Variants in ATF1 observed in about 807,000 individuals in gnomAD.
The protein encoded by ATF1 is cyclic AMP-dependent transcription factor ATF-1.
In ATF1, 16 loss-of-function variants were observed where a neutral mutation model predicts 34.7. That is an observed-to-expected ratio of 0.46 (90% CI 0.31 to 0.70). ATF1 has a LOEUF of 0.70. ATF1 is among the 30% of genes least tolerant of loss of function. The pLI is 0.05. For synonymous variants in ATF1, 105 were observed against 113.1 expected (o/e 0.93, Z 0.46); for missense variants, 255 against 321.6 (o/e 0.79, Z 1.58).
At position 50,820,156 on chromosome 12, in the gene ATF1, C is replaced by CT. The variant is rs889359479; in HGVS notation, c.*384dup. ...TTTGCATTTGTTTGCTGAAATTTAC[C>CT]TTTTTTTAGTTATATATATGTGTGT... On this transcript the variant is annotated 3_prime_UTR_variant, in exon 7 of 7. Transcript: ENST00000262053. The CT allele has an allele frequency of 7.8e-5, 18 of 229,974 alleles. No homozygotes were observed. The highest frequency in any genetic ancestry group is 1.4e-3 in the Middle Eastern group (1 of 710). The allele number at this position is 229,974 out of a possible 1,614,324, so 14.2% of individuals were successfully genotyped here.
At chr12:50,817,217 G>C (rs1941861577) in intron 6 of ATF1, among the ~76,000 whole-genome samples, 1 of 151,956 alleles carries the variant, frequency 6.6e-6, no homozygotes, top group African/African-American at 2.4e-5. Flanking sequence ...CAAAAAATCA[G>C]GAAACAACCT....
chr12:50,783,861 C>T (rs942645217), intron 2 of ATF1, among the ~76,000 whole-genome samples: 29 of 111,354 alleles, frequency 2.6e-4, no homozygotes, highest in East Asian at 2.2e-4. Context: ...CGCAAAACTC[C>T]GTCTGAAAAA....
In ATF1 at chr12:50,809,579, C is replaced by T. The variant is rs534424376; in HGVS notation, c.318C>T (p.Ser106=). 32 of 1,613,050 alleles carry T rather than the reference C, an allele frequency of 2.0e-5. No homozygotes were observed. Among genetic ancestry groups the T allele is most frequent in the South Asian group, 1.3e-4 (12 of 90,974 alleles). The part of the protein sequence containing the change: ...SVPTPIYQTS[S]GQYIAIAPNG... Reference sequence around the variant, plus strand: ...CAACTCCCATCTATCAGACTAGCAGCGGACAGTACAGTATGTATAGGAATC... The same window carrying T: ...CAACTCCCATCTATCAGACTAGCAGTGGACAGTACAGTATGTATAGGAATC... Residue 106 remains serine (S), a synonymous_variant, in exon 4 of 7, where the codon AGC becomes AGT. Coordinates refer to ENST00000262053, the MANE Select transcript of ATF1 (RefSeq NM_005171.5).
intron 2 of ATF1, 63 bp downstream of exon 2, chr12:50,780,301 C>T (rs769945843): frequency 1.1e-5 from 15 of 1,336,406 alleles, no homozygotes; most frequent in Middle Eastern, 1.9e-4. Flanking sequence ...AGATTAATCT[C>T]GTTTCAGACT....
At position 50,820,253 on chromosome 12, in the gene ATF1, TA is replaced by T. The variant is rs1470546790; in HGVS notation, c.*475del. 28 of 195,902 alleles carry T rather than the reference TA, an allele frequency of 1.4e-4. No individual in the cohort carries two copies. In the East Asian group the frequency reaches 2.3e-3, roughly 16 times the overall value. The allele number at this position is 195,902 out of a possible 1,614,324, so 12.1% of individuals were successfully genotyped here. ...AGAAAACCTAGTACATTACTAAATA[TA>T]TAAAGTATATGTTCTGATTATGTAT... is the stretch of plus-strand genomic sequence containing the variant. On this transcript the variant is annotated 3_prime_UTR_variant, in exon 7 of 7. Coordinates refer to ENST00000262053, the MANE Select transcript of ATF1 (RefSeq NM_005171.5).
chr12:50,814,803 A>G (rs1248883531), intron 6 of ATF1, among the ~76,000 whole-genome samples: 1 of 151,138 alleles, frequency 6.6e-6, no homozygotes, highest in Non-Finnish European at 1.5e-5. Flanking sequence ...TCATTATTTT[A>G]AAGTGTATAC....
intron 6 of ATF1, among the ~76,000 whole-genome samples, chr12:50,814,722 G>A (rs1004947872): frequency 1.1e-4 from 17 of 151,742 alleles, no homozygotes; most frequent in Admixed American, 1.1e-3. Context: ...ATGCAATTAT[G>A]TATAGAACAT....
At chr12:50,814,238 G>C (rs750430771) in intron 5 of ATF1, 42 bp from the exon 6 acceptor site, 2 of 1,613,472 alleles carry the variant, frequency 1.2e-6, no homozygotes, top group African/African-American at 2.7e-5. Context: ...CACTGTCAGA[G>C]ACACTTACTA....
At chr12:50,809,400 TTTTG>T in intron 3 of ATF1, 52 bp from the exon 4 acceptor site, 55 of 874,134 alleles carry the variant, frequency 6.3e-5, no homozygotes, top group Middle Eastern at 4.3e-4. Context: ...AAAAAATTAT[TTTTG>T]TGAAGTCATT....
At chr12:50,773,212 T>A (rs942192744) in intron 1 of ATF1, among the ~76,000 whole-genome samples, 4 of 152,204 alleles carry the variant, frequency 2.6e-5, no homozygotes, top group Admixed American at 2.0e-4. Flanking sequence ...TTGTGAATAG[T>A]GCTGCAGTGA....
intron 4 of ATF1, 101 bp downstream of exon 4, chr12:50,809,690 A>G: frequency 8.0e-7 from 1 of 1,246,936 alleles, no homozygotes. Context: ...GATAGTGATG[A>G]TTATTAAAGG....
At chr12:50,772,550 T>C (rs991761729) in intron 1 of ATF1, among the ~76,000 whole-genome samples, 1 of 152,128 alleles carries the variant, frequency 6.6e-6, no homozygotes, top group Non-Finnish European at 1.5e-5. Context: ...GGTCTCGAAC[T>C]CCTGACCTCA....
rs1458899765 is a variant in ATF1, at chr12:50,791,209, G to C, written c.94-4700G>C. Among the ~76,000 whole-genome samples the C allele has an allele frequency of 2.0e-5, 3 of 152,122 alleles. No homozygotes were observed. The East Asian group carries it at 5.8e-4, about 29-fold the overall frequency. Reference sequence around the variant, plus strand: ...CATTTTGAGGGATGATGAGACTGGGGTTTGTTTAATCTAGTCTTGGGATGA... The same window carrying C: ...CATTTTGAGGGATGATGAGACTGGGCTTTGTTTAATCTAGTCTTGGGATGA... On this transcript the variant is annotated intron_variant, in intron 2 of 6. Coordinates refer to ENST00000262053, the MANE Select transcript of ATF1 (RefSeq NM_005171.5).
chr12:50,813,410 C>T (rs1941777274), intron 4 of ATF1, among the ~76,000 whole-genome samples: 1 of 152,056 alleles, frequency 6.6e-6, no homozygotes, highest in Non-Finnish European at 1.5e-5. Context: ...GAATTTTTTC[C>T]ATAAGCATGT....
chr12:50,804,143 A>C (rs1470663173), intron 3 of ATF1, among the ~76,000 whole-genome samples: 1 of 152,230 alleles, frequency 6.6e-6, no homozygotes, highest in African/African-American at 2.4e-5. Flanking sequence ...AGATTATTAG[A>C]ATGGATTTTA....
chr12:50,811,630 GAAA>G (rs11464441), intron 4 of ATF1, among the ~76,000 whole-genome samples: 13 of 72,936 alleles, frequency 1.8e-4, no homozygotes, highest in Middle Eastern at 0.013. Flanking sequence ...GAAAAATGAA[GAAA>G]AAAAAAAAAA....
intron 4 of ATF1, among the ~76,000 whole-genome samples, chr12:50,811,972 G>A (rs1013542882): frequency 1.3e-5 from 2 of 152,300 alleles, no homozygotes; most frequent in South Asian, 2.1e-4. Context: ...GTTTATATCT[G>A]CATTGTCCCA....
intron 1 of ATF1, among the ~76,000 whole-genome samples, chr12:50,770,824 T>G (rs1156754260): frequency 6.6e-6 from 1 of 152,206 alleles, no homozygotes; most frequent in African/African-American, 2.4e-5. Flanking sequence ...CTCTAATTGT[T>G]GCTCAGAAGA....
chr12:50,764,912 C>G (rs1033939867), intron 1 of ATF1, among the ~76,000 whole-genome samples: 2 of 152,192 alleles, frequency 1.3e-5, no homozygotes, highest in Non-Finnish European at 2.9e-5. Flanking sequence ...GGCGGCTTTA[C>G]CCCTGGCTAG....
Sources: gnomAD v4.1 joint callset for allele counts (sites outside exome capture counted in the v4.1 genomes callset) on GRCh38, gnomAD v4.1.1 for gene constraint, MANE v1.5 for transcripts, NCBI Gene and HGNC (gene_info 2026-07-23, HGNC 2026-07-21) for gene names.